Variants in PACRG observed in about 807,000 individuals in gnomAD.
PACRG encodes the protein parkin coregulated gene protein.
PACRG carries 29 observed loss-of-function variants against 29.7 expected under a neutral mutation model. The ratio of observed to expected loss-of-function variants is 0.98; its 90% CI spans 0.73 to 1.33. The LOEUF (loss-of-function observed/expected upper bound fraction) is 1.33. Ranked by LOEUF, PACRG falls within the 40% of genes most tolerant of loss-of-function variation. The pLI is 0.00. For missense variants in PACRG, 279 were observed against 316.2 expected, an observed-to-expected ratio of 0.88 and a Z score of 0.89; for synonymous variants, 116 against 118.7, an observed-to-expected ratio of 0.98 and a Z score of 0.15.
intron 1 of PACRG, among the ~76,000 whole-genome samples, chr6:162,760,252 G>A (rs1464774694): frequency 6.6e-6 from 1 of 152,128 alleles, no homozygotes; most frequent in African/African-American, 2.4e-5. Flanking sequence ...GCACACACAG[G>A]AGTCCCTGGG....
intron 4 of PACRG, among the ~76,000 whole-genome samples, chr6:163,314,477 T>C (rs1188433342): frequency 1.3e-5 from 2 of 152,256 alleles, no homozygotes; most frequent in South Asian, 2.1e-4. Flanking sequence ...GACTGTTCCT[T>C]CTAAGTACAC....
intron 4 of PACRG, among the ~76,000 whole-genome samples, chr6:163,295,149 A>C (rs1480690917): frequency 6.6e-6 from 1 of 152,350 alleles, no homozygotes; most frequent in South Asian, 2.1e-4. Flanking sequence ...TTTAGCCAAA[A>C]ATAGTTGAAT....
intron 4 of PACRG, among the ~76,000 whole-genome samples, chr6:163,197,449 T>TTCTTTTC (rs1562959310): frequency 1.4e-5 from 2 of 138,790 alleles, no homozygotes; most frequent in African/African-American, 5.8e-5. Context: ...TTTTTTTTTT[T>TTCTTTTC]TTTTTTTTTT....
intron 4 of PACRG, among the ~76,000 whole-genome samples, chr6:163,118,758 C>T (rs1199867911): frequency 1.3e-5 from 2 of 152,162 alleles, no homozygotes; most frequent in Non-Finnish European, 2.9e-5. Context: ...GTTCAATCTG[C>T]CTTCAAGGGT....
intron 2 of PACRG, among the ~76,000 whole-genome samples, chr6:162,816,375 C>T (rs1407269694): frequency 1.3e-5 from 2 of 152,182 alleles, no homozygotes; most frequent in African/African-American, 2.4e-5. Context: ...TTTTTTGAGA[C>T]GGAGTCTCGC....
intron 4 of PACRG, among the ~76,000 whole-genome samples, chr6:163,168,462 C>T (rs1778921905): frequency 6.6e-6 from 1 of 152,082 alleles, no homozygotes; most frequent in Admixed American, 6.5e-5. Context: ...CCACCTCACT[C>T]CAGACTGAAC....
rs1491156729 is a variant in PACRG, at chr6:162,947,349, A to ATATATGAT, written c.292-114801_292-114800insTATATGAT. 9.6e-5 allele frequency among the ~76,000 whole-genome samples: 4 copies of ATATATGAT among 41,764 alleles called. 1 individual carries two copies. Among genetic ancestry groups the ATATATGAT allele is most frequent in the East Asian group, 5.1e-4 (1 of 1,980 alleles). The allele number at this position is 41,764 out of a possible 152,430, so 27.4% of individuals were successfully genotyped here. On this transcript the variant is annotated intron_variant, in intron 2 of 4. Coordinates refer to ENST00000366888, the MANE Select transcript of PACRG (RefSeq NM_001080379.2). ...ACATATAATCATATATATAATGATT[A>ATATATGAT]CATATATATAATGTAATCATATATA...
intron 2 of PACRG, among the ~76,000 whole-genome samples, chr6:162,865,663 C>A (rs1792232174): frequency 6.6e-6 from 1 of 152,216 alleles, no homozygotes; most frequent in Non-Finnish European, 1.5e-5. Flanking sequence ...AGACTAAGAA[C>A]TCCTTGAATT....
intron 1 of PACRG, among the ~76,000 whole-genome samples, chr6:162,787,763 A>C (rs2128322031): frequency 6.6e-6 from 1 of 151,772 alleles, no homozygotes; most frequent in East Asian, 1.9e-4. Flanking sequence ...ACCAATTTAG[A>C]AGGAATACAA....
chr6:162,941,406 G>A (rs551478308), intron 2 of PACRG, among the ~76,000 whole-genome samples: 6 of 152,254 alleles, frequency 3.9e-5, no homozygotes, highest in African/African-American at 1.4e-4. Flanking sequence ...AAAGTACTGC[G>A]AGTGCAAGGT....
intron 2 of PACRG, chr6:163,054,296 C>G (rs1405167668): frequency 6.6e-6 from 1 of 152,258 alleles, no homozygotes. Context: ...GACCAGCGAT[C>G]TCTCCGCATG....
Position 162,917,839 on chromosome 6 carries a change from A to G in PACRG, c.291+103558A>G, listed in dbSNP as rs189573124. Reference sequence around the variant, plus strand: ...AGCTTTGAGAGAATAAAATTTTCTGAAAAATAAGGAAAAACTGAAATATGT... The same window carrying G: ...AGCTTTGAGAGAATAAAATTTTCTGGAAAATAAGGAAAAACTGAAATATGT... On this transcript the variant is annotated intron_variant, in intron 2 of 4. Transcript: ENST00000366888. Among the ~76,000 whole-genome samples, 156 of 152,272 alleles carry G rather than the reference A, an allele frequency of 1.0e-3. 3 individuals carry two copies. The East Asian group carries it at 0.026, about 26-fold the overall frequency.
chr6:163,102,180 A>T (rs1356235101), intron 4 of PACRG, among the ~76,000 whole-genome samples: 1 of 152,146 alleles, frequency 6.6e-6, no homozygotes, highest in Non-Finnish European at 1.5e-5. Flanking sequence ...CCACACATGG[A>T]CACCATCCTG....
intron 4 of PACRG, among the ~76,000 whole-genome samples, chr6:163,226,721 C>T (rs182034496): frequency 9.2e-5 from 14 of 152,244 alleles, no homozygotes; most frequent in Admixed American, 6.5e-4. Context: ...ACCCAGCCAT[C>T]GGTGGCTCAC....
At chr6:162,766,994 A>G (rs1782847896) in intron 1 of PACRG, among the ~76,000 whole-genome samples, 1 of 152,054 alleles carries the variant, frequency 6.6e-6, no homozygotes. Context: ...GAAGCATTTA[A>G]TAATTTTTAA....
At chr6:162,930,977 T>C (rs1407223881) in intron 2 of PACRG, among the ~76,000 whole-genome samples, 1 of 151,826 alleles carries the variant, frequency 6.6e-6, no homozygotes, top group Admixed American at 6.6e-5. Context: ...TTCAGTTTGC[T>C]AGTATTTTGT....
intron 2 of PACRG, among the ~76,000 whole-genome samples, chr6:162,917,719 A>T (rs1447298609): frequency 6.6e-6 from 1 of 152,044 alleles, no homozygotes; most frequent in Non-Finnish European, 1.5e-5. Context: ...GCACTGCCGG[A>T]GTTCTGATTA....
At chr6:162,980,832 C>T (rs1000299992) in intron 2 of PACRG, among the ~76,000 whole-genome samples, 2 of 152,106 alleles carry the variant, frequency 1.3e-5, no homozygotes, top group African/African-American at 2.4e-5. Context: ...ATGGTAATTA[C>T]TACAATACAA....
At chr6:162,807,199 C>T (rs995777527) in intron 1 of PACRG, among the ~76,000 whole-genome samples, 2 of 152,174 alleles carry the variant, frequency 1.3e-5, no homozygotes, top group African/African-American at 2.4e-5. Context: ...GATCTTCTAT[C>T]CAGACCACTC....
Sources: allele counts gnomAD v4.1 joint callset (sites outside exome capture counted in the v4.1 genomes callset), GRCh38; gene constraint gnomAD v4.1.1; transcripts MANE v1.5; gene names NCBI Gene and HGNC (gene_info 2026-07-23, HGNC 2026-07-21).